The following TCF4 variants were observed in gnomAD, a reference collection of about 807,000 sequenced individuals.
TCF4 encodes the protein SL3-3 enhancer factor 2.
Under a neutral mutation model 82.1 loss-of-function variants are expected in TCF4, and 3 were observed. The ratio of observed to expected loss-of-function variants is 0.04; its 90% confidence interval spans 0.02 to 0.09. The LOEUF is 0.09. TCF4 is among the 10% of genes least tolerant of loss of function. TCF4 has a pLI of 1.00. For synonymous variants in TCF4, 276 were observed against 309.6 expected, an observed-to-expected ratio of 0.89 and a Z score of 1.14; for missense variants, 518 against 852.7, an observed-to-expected ratio of 0.61 and a Z score of 4.89.
chr18:55,510,678 G>A, intron 3 of TCF4: 1 of 1,476,498 alleles, frequency 6.8e-7, no homozygotes, highest in Non-Finnish European at 9.0e-7. Context: ...TTTAAAGTTT[G>A]TGAACTGAGA....
intron 6 of TCF4, among the ~76,000 whole-genome samples, chr18:55,358,236 T>G (rs1166009102): frequency 6.6e-6 from 1 of 152,260 alleles, no homozygotes; most frequent in Non-Finnish European, 1.5e-5. Context: ...CTAATGCTAT[T>G]GATCAAATCG....
intron 6 of TCF4, among the ~76,000 whole-genome samples, chr18:55,379,641 T>G (rs376125805): frequency 6.6e-6 from 1 of 152,208 alleles, no homozygotes; most frequent in East Asian, 1.9e-4. Context: ...TTTGGTGGAA[T>G]AGTTAATTCA....
At chr18:55,278,524 T>A (rs766474131) in intron 9 of TCF4, among the ~76,000 whole-genome samples, 3 of 152,122 alleles carry the variant, frequency 2.0e-5, no homozygotes, top group African/African-American at 4.8e-5. Context: ...ATTTCAAACA[T>A]CTTGGTCTTT....
chr18:55,600,176 A>G (rs138723767), intron 2 of TCF4, among the ~76,000 whole-genome samples: 2 of 152,250 alleles, frequency 1.3e-5, no homozygotes, highest in Non-Finnish European at 2.9e-5. Context: ...AACATTCTAT[A>G]TACATATTTT....
At chr18:55,253,263 C>G (rs1213997953) in intron 15 of TCF4, among the ~76,000 whole-genome samples, 3 of 152,096 alleles carry the variant, frequency 2.0e-5, no homozygotes, top group Non-Finnish European at 2.9e-5. Context: ...TTAAAAGAAC[C>G]TCATAATAAT....
chr18:55,395,707 G>T (rs2093447318), intron 6 of TCF4, among the ~76,000 whole-genome samples: 1 of 152,164 alleles, frequency 6.6e-6, no homozygotes, highest in African/African-American at 2.4e-5. Flanking sequence ...GATCTATAAT[G>T]AATCCAAATT....
At chr18:55,635,464 G>A (rs186756539) in intron 1 of TCF4, among the ~76,000 whole-genome samples, 4 of 151,292 alleles carry the variant, frequency 2.6e-5, no homozygotes, top group Admixed American at 6.6e-5. Context: ...AGCCAAGAAT[G>A]TGCCATTGCA....
At chr18:55,426,831 CACACAAAG>C (rs927674746) in intron 5 of TCF4, among the ~76,000 whole-genome samples, 48 of 151,938 alleles carry the variant, frequency 3.2e-4, no homozygotes, top group Admixed American at 1.6e-3. Flanking sequence ...CAAACACAGA[CACACAAAG>C]ACACAAACAC....
chr18:55,315,797 G>A (rs2073973256), intron 8 of TCF4, among the ~76,000 whole-genome samples: 1 of 151,996 alleles, frequency 6.6e-6, no homozygotes, highest in South Asian at 2.1e-4. Context: ...CACACTAAAG[G>A]AGACAATTTT....
At chr18:55,586,161 GCAGCAGCAGCAGC>G (rs2097647127) in intron 2 of TCF4, 4 of 247,436 alleles carry the variant, frequency 1.6e-5, no homozygotes, top group South Asian at 1.5e-4. Context: ...AGGAGCAGCA[GCAGCAGCAGCAGC>G]AGCAGCAGCA....
chr18:55,394,522 C>T (rs1042613879), intron 6 of TCF4, among the ~76,000 whole-genome samples: 5 of 152,138 alleles, frequency 3.3e-5, no homozygotes, highest in African/African-American at 1.2e-4. Context: ...AGAATGCTAA[C>T]AGTGATAATA....
intron 6 of TCF4, chr18:55,401,437 C>T (rs901367944): frequency 9.4e-7 from 1 of 1,065,952 alleles, no homozygotes; most frequent in South Asian, 3.0e-5. Flanking sequence ...TTAAGAAAAG[C>T]ATATGCAGTC....
At chr18:55,300,103 C>T (rs1028615719) in intron 8 of TCF4, among the ~76,000 whole-genome samples, 1 of 149,108 alleles carries the variant, frequency 6.7e-6, no homozygotes, top group Non-Finnish European at 1.5e-5. Flanking sequence ...CAGATATACA[C>T]ACACACACAC....
At chr18:55,380,457 T>C (rs1386057518) in intron 6 of TCF4, among the ~76,000 whole-genome samples, 1 of 151,946 alleles carries the variant, frequency 6.6e-6, no homozygotes, top group Non-Finnish European at 1.5e-5. Flanking sequence ...TGTCTTCCTC[T>C]TCTTATAAGG....
chr18:55,337,333 T>G (rs2078868165), intron 8 of TCF4, among the ~76,000 whole-genome samples: 1 of 152,186 alleles, frequency 6.6e-6, no homozygotes, highest in Non-Finnish European at 1.5e-5. Flanking sequence ...TAAATAGTAT[T>G]TGAAAGCAAC....
intron 3 of TCF4, among the ~76,000 whole-genome samples, chr18:55,531,159 G>A (rs978726046): frequency 5.9e-5 from 9 of 152,014 alleles, no homozygotes; most frequent in African/African-American, 1.9e-4. Flanking sequence ...TCACCATGTT[G>A]GCGAGGCTGG....
At chr18:55,401,824 T>C (rs944338278) in intron 6 of TCF4, 9 of 980,132 alleles carry the variant, frequency 9.2e-6, no homozygotes, top group African/African-American at 3.5e-5. Flanking sequence ...ATTCTCTCAA[T>C]GACCAGAAAA....
intron 10 of TCF4, among the ~76,000 whole-genome samples, chr18:55,274,674 G>A (rs2061108802): frequency 6.6e-6 from 1 of 152,160 alleles, no homozygotes; most frequent in Admixed American, 6.6e-5. Flanking sequence ...TATCACCTGG[G>A]ATCACTGGAT....
chr18:55,618,077 A>C (rs916220896), intron 2 of TCF4, among the ~76,000 whole-genome samples: 4 of 152,136 alleles, frequency 2.6e-5, no homozygotes, highest in Non-Finnish European at 2.9e-5. Context: ...AATGTTAGCT[A>C]TGGGCTTGTC....
Sources: allele counts gnomAD v4.1 joint callset (sites outside exome capture counted in the v4.1 genomes callset), GRCh38; gene constraint gnomAD v4.1.1; transcripts MANE v1.5; gene names NCBI Gene and HGNC (gene_info 2026-07-23, HGNC 2026-07-21).